ABRAXAS1: variants seen among roughly 807,000 people sequenced by gnomAD.
ABRAXAS1 encodes the protein abraxas 1, BRCA1 A complex subunit.
ABRAXAS1 carries 26 observed loss-of-function variants against 38.4 expected under a neutral mutation model. That is an observed-to-expected ratio of 0.68 (90% confidence interval 0.50 to 0.94). ABRAXAS1 has a LOEUF of 0.94. Among genes scored for constraint, ABRAXAS1 ranks in the 40% least tolerant of loss-of-function variants. ABRAXAS1 has a pLI of 0.00. For missense variants in ABRAXAS1, 438 were observed against 481.9 expected, an observed-to-expected ratio of 0.91 and a Z score of 0.85; for synonymous variants, 144 against 165.5, an observed-to-expected ratio of 0.87 and a Z score of 1.00.
intron 3 of ABRAXAS1, among the ~76,000 whole-genome samples, chr4:83,475,234 C>T (rs1722722015): frequency 6.6e-6 from 1 of 152,196 alleles, no homozygotes; most frequent in Admixed American, 6.5e-5. Context: ...ATTCCTCAGT[C>T]ATCTAACAAA....
At chr4:83,467,773 G>C (rs1395802159) in intron 6 of ABRAXAS1, among the ~76,000 whole-genome samples, 1 of 152,096 alleles carries the variant, frequency 6.6e-6, no homozygotes, top group African/African-American at 2.4e-5. Flanking sequence ...TCCCAAAAAG[G>C]CGAGGATGGG....
At position 83,462,459 on chromosome 4, in the gene ABRAXAS1, G is replaced by A; in HGVS notation, c.*10C>T. 1 of 1,598,528 alleles carries A rather than the reference G, an allele frequency of 6.3e-7. No homozygotes were observed. The highest frequency in any genetic ancestry group is 8.5e-7 in the Non-Finnish European group (1 of 1,173,094). The stretch of plus-strand genomic sequence containing the variant: ...CCAAATAAAAAAATCTCCTTGTAAG[G>A]TTAAAAGGATCAAAATGTAGGAGAC... On this transcript the variant is annotated 3_prime_UTR_variant, in exon 9 of 9. Transcript: ENST00000321945.
intron 2 of ABRAXAS1, chr4:83,479,947 C>G (rs1249355765): frequency 2.9e-5 from 4 of 137,688 alleles, no homozygotes; most frequent in African/African-American, 1.2e-4. Flanking sequence ...GCTGAAAGAG[C>G]AAGACCTCAT....
intron 7 of ABRAXAS1, among the ~76,000 whole-genome samples, chr4:83,464,381 T>G (rs1722268647): frequency 2.0e-5 from 3 of 152,208 alleles, no homozygotes; most frequent in Admixed American, 2.0e-4. Context: ...TGTCTTTAGT[T>G]TTAAAAGTAT....
At position 83,459,790 on chromosome 4, in the gene ABRAXAS1, C is replaced by T; in HGVS notation, c.*2679G>A. On this transcript the variant is annotated 3_prime_UTR_variant, in exon 9 of 9. Coordinates refer to ENST00000321945, the MANE Select transcript of ABRAXAS1 (RefSeq NM_139076.3). Reference sequence around the variant, plus strand: ...TTACTGGATGCATTTATGGAAGGCACATTACAGGTATGTTCTTTTTTATTA... The same window carrying T: ...TTACTGGATGCATTTATGGAAGGCATATTACAGGTATGTTCTTTTTTATTA... 1 of 1,602,502 alleles carries T rather than the reference C, an allele frequency of 6.2e-7. No homozygotes were observed. The highest frequency in any genetic ancestry group is 1.1e-5 in the South Asian group (1 of 90,028).
At position 83,459,528 on chromosome 4, in the gene ABRAXAS1, C is replaced by A; in HGVS notation, c.*2941G>T. The A allele has an allele frequency of 2.2e-6, 1 of 456,496 alleles. No homozygotes were observed. Among genetic ancestry groups the A allele is most frequent in the East Asian group, 3.8e-5 (1 of 26,138 alleles). 28.3% of individuals were successfully genotyped at this position (456,496 alleles called of 1,614,324 possible). On this transcript the variant is annotated 3_prime_UTR_variant, in exon 9 of 9. Transcript: ENST00000321945. ...CCATTGAATGAATATGCTGATTAAT[C>A]TGCTGTTTAATTATATATAGACTTG...
At chr4:83,472,016 G>C (rs1457164404) in intron 4 of ABRAXAS1, among the ~76,000 whole-genome samples, 1 of 152,138 alleles carries the variant, frequency 6.6e-6, no homozygotes, top group East Asian at 1.9e-4. Flanking sequence ...GAAAGGATTA[G>C]AACAAAATTA....
intron 2 of ABRAXAS1, chr4:83,477,591 T>G: frequency 2.0e-6 from 1 of 493,700 alleles, no homozygotes; most frequent in East Asian, 5.1e-5. Flanking sequence ...TATGACGCCT[T>G]GCCTCTATCA....
chr4:83,484,974 C>T lies in ABRAXAS1; in HGVS notation c.87+12G>A, dbSNP rs1307612265. The T allele has an allele frequency of 1.3e-6, 2 of 1,568,602 alleles. No homozygotes were observed. The highest frequency in any genetic ancestry group is 2.3e-5 in the South Asian group (2 of 86,670). On this transcript the variant is annotated intron_variant, in intron 1 of 8. Transcript: ENST00000321945. ...CAGGCGACGCCGGACCCCGCCCCGT[C>T]CCTCGGCTCACCGTGTCCGAGTCCG...
chr4:83,461,310 A>G lies in ABRAXAS1; in HGVS notation c.*1159T>C. ...AAGTGTTTGAGGAGTGAGGTAAAGA[A>G]TGACACTTCCCCTTCATACCAATGT... On this transcript the variant is annotated 3_prime_UTR_variant, in exon 9 of 9. Transcript: ENST00000321945. 1.2e-6 allele frequency: 1 copy of G among 834,898 alleles called. No homozygotes were observed. The highest frequency in any genetic ancestry group is 2.0e-6 in the Non-Finnish European group (1 of 494,280). The allele number at this position is 834,898 out of a possible 1,614,324, so 51.7% of individuals were successfully genotyped here.
At chr4:83,481,648 G>C (rs576970390) in intron 2 of ABRAXAS1, among the ~76,000 whole-genome samples, 2 of 152,172 alleles carry the variant, frequency 1.3e-5, no homozygotes, top group East Asian at 3.9e-4. Flanking sequence ...TGCTTCCTAA[G>C]TCTCATACTA....
chr4:83,481,672 A>T (rs2110048894), intron 2 of ABRAXAS1, among the ~76,000 whole-genome samples: 1 of 152,334 alleles, frequency 6.6e-6, no homozygotes, highest in Non-Finnish European at 1.5e-5. Context: ...CTTACTTTAG[A>T]CCAGTCCATG....
At chr4:83,484,744 A>G in intron 1 of ABRAXAS1, 1 of 389,882 alleles carries the variant, frequency 2.6e-6, no homozygotes, top group South Asian at 5.6e-5. Context: ...CGTGTGGGAC[A>G]CTTGGGTCGG....
chr4:83,464,894 A>G (rs572138278), intron 7 of ABRAXAS1, among the ~76,000 whole-genome samples: 32 of 152,226 alleles, frequency 2.1e-4, no homozygotes, highest in Middle Eastern at 3.2e-3. Flanking sequence ...ATTCCTTCCT[A>G]AAGTTCAGCT....
chr4:83,481,205 A>G (rs1722991322), intron 2 of ABRAXAS1, among the ~76,000 whole-genome samples: 1 of 152,228 alleles, frequency 6.6e-6, no homozygotes, highest in African/African-American at 2.4e-5. Context: ...TCATGACACA[A>G]TATGATGCCA....
chr4:83,468,162 G>T (rs772838882), intron 6 of ABRAXAS1, among the ~76,000 whole-genome samples: 1 of 151,958 alleles, frequency 6.6e-6, no homozygotes, highest in Admixed American at 6.6e-5. Context: ...AAAATTAGCC[G>T]GGCATGGTGG....
At position 83,462,713 on chromosome 4, in the gene ABRAXAS1, T is replaced by C. The variant is rs778357689; in HGVS notation, c.986A>G (p.His329Arg). The change falls in exon 9 of 9, where the codon CAC becomes CGC. Residue 329 changes from histidine (H) to arginine (R), a missense_variant. His to Arg is a conservative substitution (Grantham distance 29). Around this residue, in one of 3 missense-constraint regions of ABRAXAS1, gnomAD observed 184 missense variants for 181.9 expected, o/e 1.01. Coordinates refer to ENST00000321945, the MANE Select transcript of ABRAXAS1 (RefSeq NM_139076.3). ...VVDNLTLMVEHTDIPEASPAS... is the reference protein window; with the variant it reads ...VVDNLTLMVERTDIPEASPAS... The stretch of plus-strand genomic sequence containing the variant: ...TGGACTAGCTTCAGGAATGTCAGTG[T>C]GTTCTACCATTAAGGTCAGATTGTC... 5.0e-6 allele frequency: 8 copies of C among 1,613,712 alleles called. No individual in the cohort carries two copies. The East Asian group carries it at 6.7e-5, about 13-fold the overall frequency.
At chr4:83,466,542 T>G (rs1394938491) in intron 7 of ABRAXAS1, among the ~76,000 whole-genome samples, 2 of 151,604 alleles carry the variant, frequency 1.3e-5, no homozygotes, top group African/African-American at 2.4e-5. Context: ...TCCACTAGTT[T>G]TTTTTTTTTT....
In ABRAXAS1 at chr4:83,484,246, A is replaced by AGGGT. The variant is rs1475672823; in HGVS notation, c.87+736_87+739dup. On this transcript the variant is annotated intron_variant, in intron 1 of 8. Coordinates refer to ENST00000321945, the MANE Select transcript of ABRAXAS1 (RefSeq NM_139076.3). ...CAGAAATTACTAGGCATTGTTCAGC[A>AGGGT]GGGTATTCTCCGAACTGTACCACAC... The AGGGT allele has an allele frequency of 1.3e-5, 13 of 978,728 alleles. No individual in the cohort carries two copies. The African/African-American group carries it at 1.8e-4, about 13-fold the overall frequency. The allele number at this position is 978,728 out of a possible 1,614,324, so 60.6% of individuals were successfully genotyped here.
Sources: allele counts gnomAD v4.1 joint callset (sites outside exome capture counted in the v4.1 genomes callset), GRCh38; gene constraint gnomAD v4.1.1; regional missense constraint gnomAD v4.1.1; transcripts MANE v1.5; gene names NCBI Gene and HGNC (gene_info 2026-07-23, HGNC 2026-07-21).